MAGI2: variants seen among roughly 807,000 people sequenced by gnomAD.
The protein encoded by MAGI2 is membrane associated guanylate kinase, WW and PDZ domain containing 2, also known as membrane-associated guanylate kinase, WW and PDZ domain-containing protein 2.
MAGI2 carries 35 observed loss-of-function variants against 133.3 expected under a neutral mutation model. The ratio of observed to expected loss-of-function variants is 0.26; its 90% CI spans 0.20 to 0.35. MAGI2 has a LOEUF of 0.35. Ranked by LOEUF, MAGI2 falls within the 10% of genes least tolerant of loss-of-function variation. The pLI is 1.00. For missense variants in MAGI2, 1,636 were observed against 1,863.4 expected, an observed-to-expected ratio of 0.88 and a Z score of 2.25; for synonymous variants, 729 against 710.6, an observed-to-expected ratio of 1.03 and a Z score of -0.41.
At chr7:78,463,346 T>C (rs537805585) in intron 6 of MAGI2, among the ~76,000 whole-genome samples, 5 of 152,288 alleles carry the variant, frequency 3.3e-5, no homozygotes, top group African/African-American at 9.6e-5. Context: ...ACAGAGTGCA[T>C]AGATTAAAGA....
chr7:78,537,212 C>T (rs542337614), intron 3 of MAGI2, among the ~76,000 whole-genome samples: 17 of 149,070 alleles, frequency 1.1e-4, no homozygotes, highest in Non-Finnish European at 2.1e-4. Flanking sequence ...CACACAGACA[C>T]ATTTTCTTTA....
At chr7:78,767,565 A>G (rs1825155094) in intron 2 of MAGI2, among the ~76,000 whole-genome samples, 2 of 152,170 alleles carry the variant, frequency 1.3e-5, no homozygotes, top group African/African-American at 4.8e-5. Flanking sequence ...TAAGGCTTTT[A>G]AAAATTGAAA....
chr7:79,185,889 C>G (rs961061162), intron 1 of MAGI2, among the ~76,000 whole-genome samples: 2 of 151,682 alleles, frequency 1.3e-5, no homozygotes, highest in African/African-American at 4.9e-5. Flanking sequence ...GGCCTAAGGT[C>G]ATAGCAACAA....
chr7:78,535,874 C>CT (rs1210047578), intron 3 of MAGI2, among the ~76,000 whole-genome samples: 2 of 99,280 alleles, frequency 2.0e-5, no homozygotes, highest in East Asian at 2.9e-4. Flanking sequence ...TTGTGTACAC[C>CT]CCCCCCGCCC....
intron 2 of MAGI2, among the ~76,000 whole-genome samples, chr7:78,790,105 A>T (rs1364298276): frequency 6.6e-6 from 1 of 152,148 alleles, no homozygotes; most frequent in Admixed American, 6.5e-5. Flanking sequence ...ATGAAATAAT[A>T]TTTTCACTTG....
At chr7:78,874,428 C>T (rs1362845721) in intron 2 of MAGI2, among the ~76,000 whole-genome samples, 3 of 152,040 alleles carry the variant, frequency 2.0e-5, no homozygotes, top group Admixed American at 6.6e-5. Flanking sequence ...TTGGTAATGG[C>T]GGAATGAAAT....
At chr7:78,499,828 T>C (rs1046568036) in intron 5 of MAGI2, among the ~76,000 whole-genome samples, 13 of 152,192 alleles carry the variant, frequency 8.5e-5, no homozygotes, top group Non-Finnish European at 1.3e-4. Flanking sequence ...GAACATCTAT[T>C]TGTGATCTCA....
chr7:78,408,445 G>C (rs1797586657), intron 6 of MAGI2, among the ~76,000 whole-genome samples: 1 of 152,036 alleles, frequency 6.6e-6, no homozygotes. Flanking sequence ...AAGGTCCACA[G>C]CCTGCAGTTT....
chr7:78,985,664 T>C (rs1381772048), intron 2 of MAGI2, among the ~76,000 whole-genome samples: 1 of 152,064 alleles, frequency 6.6e-6, no homozygotes, highest in Non-Finnish European at 1.5e-5. Context: ...TCACTTAATT[T>C]TGTTTAAACT....
chr7:78,229,954 T>C (rs559996613), intron 10 of MAGI2, among the ~76,000 whole-genome samples: 68 of 152,286 alleles, frequency 4.5e-4, no homozygotes, highest in African/African-American at 1.5e-3. Flanking sequence ...CACAGAAAAA[T>C]GACGATTAGA....
intron 2 of MAGI2, among the ~76,000 whole-genome samples, chr7:78,694,590 GT>G (rs1428641120): frequency 3.9e-5 from 6 of 152,076 alleles, no homozygotes; most frequent in African/African-American, 1.4e-4. Flanking sequence ...ACTTTAAAGA[GT>G]TTCATCTCCT....
At chr7:79,411,145 A>C (rs954760758) in intron 1 of MAGI2, 11 of 152,152 alleles carry the variant, frequency 7.2e-5, no homozygotes, top group African/African-American at 2.7e-4. Context: ...TGATATCCTC[A>C]ACCACCTGTC....
intron 16 of MAGI2, among the ~76,000 whole-genome samples, chr7:78,141,581 C>T (rs574846526): frequency 2.0e-5 from 3 of 152,080 alleles, no homozygotes; most frequent in Non-Finnish European, 2.9e-5. Context: ...TCCTCTAGAA[C>T]GCTGTGAAAT....
In MAGI2 at chr7:78,492,044, T is replaced by C. The variant is rs147018040; in HGVS notation, c.966-2204A>G. ...TTTCCTCTTTTCGGAGAAAAGTCATTTCTAGGCTCCTTAGATATATTCACA... is the reference window on the plus strand; with the variant it reads ...TTTCCTCTTTTCGGAGAAAAGTCATCTCTAGGCTCCTTAGATATATTCACA... On this transcript the variant is annotated intron_variant, in intron 5 of 21. Coordinates refer to ENST00000354212, the MANE Select transcript of MAGI2 (RefSeq NM_012301.4). Among the ~76,000 whole-genome samples the C allele has an allele frequency of 1.4e-4, 22 of 152,154 alleles. No homozygotes were observed. The East Asian group carries it at 4.3e-3, about 29-fold the overall frequency.
intron 6 of MAGI2, among the ~76,000 whole-genome samples, chr7:78,399,068 T>G (rs1230787093): frequency 6.6e-6 from 1 of 152,194 alleles, no homozygotes; most frequent in Admixed American, 6.5e-5. Context: ...AATTAATGTG[T>G]CTAAAAATGG....
In MAGI2 at chr7:78,889,233, A is replaced by T. The variant is rs559731528; in HGVS notation, c.418+117857T>A. Among the ~76,000 whole-genome samples, 33 of 152,366 alleles carry T rather than the reference A, an allele frequency of 2.2e-4. No individual in the cohort carries two copies. The East Asian group carries it at 6.0e-3, about 28-fold the overall frequency. On this transcript the variant is annotated intron_variant, in intron 2 of 21. Transcript: ENST00000354212. ...TCCAAGAAATATGGGACTATGTGAG[A>T]AGACCAAATCTACGTCTGATTGGTG...
At chr7:79,340,876 G>A (rs990423881) in intron 1 of MAGI2, among the ~76,000 whole-genome samples, 2 of 152,096 alleles carry the variant, frequency 1.3e-5, no homozygotes, top group African/African-American at 4.8e-5. Context: ...TGAGGTTTCA[G>A]GAAAGGAGCC....
At chr7:78,118,561 C>T (rs995201254) in intron 20 of MAGI2, among the ~76,000 whole-genome samples, 1 of 152,026 alleles carries the variant, frequency 6.6e-6, no homozygotes, top group African/African-American at 2.4e-5. Flanking sequence ...GATACCTCAC[C>T]AAAGAAGATA....
intron 1 of MAGI2, among the ~76,000 whole-genome samples, chr7:79,246,085 T>C (rs777417013): frequency 4.6e-5 from 7 of 152,172 alleles, no homozygotes; most frequent in African/African-American, 7.2e-5. Flanking sequence ...GGGCTTAGGG[T>C]GCCCCCTAAT....
Sources: gnomAD v4.1 joint callset for allele counts (sites outside exome capture counted in the v4.1 genomes callset) on GRCh38, gnomAD v4.1.1 for gene constraint, MANE v1.5 for transcripts, NCBI Gene and HGNC (gene_info 2026-07-23, HGNC 2026-07-21) for gene names.